The following PDLIM3 variants were observed in gnomAD, a reference collection of about 807,000 sequenced individuals.
PDLIM3 encodes the protein PDZ and LIM domain 3, also known as PDZ and LIM domain protein 3.
A neutral mutation model predicts 37.3 loss-of-function variants in PDLIM3; 36 were observed. The observed-to-expected ratio is 0.97, with a 90% CI of 0.74 to 1.28. PDLIM3 has a LOEUF of 1.28. Ranked by LOEUF, PDLIM3 falls within the 50% of genes most tolerant of loss-of-function variation. PDLIM3 has a pLI of 0.00. For missense variants in PDLIM3, 454 were observed against 485.0 expected (o/e 0.94, Z 0.60); for synonymous variants, 174 against 182.4 (o/e 0.95, Z 0.37).
At chr4:185,507,882 T>C (rs2095700281) in intron 5 of PDLIM3, among the ~76,000 whole-genome samples, 1 of 151,986 alleles carries the variant, frequency 6.6e-6, no homozygotes, top group African/African-American at 2.4e-5. Flanking sequence ...ACCTCCCACC[T>C]CCTTCCTAAT....
rs528384600 is a variant in PDLIM3 at position 185,530,809 on chromosome 4, T to C, written c.93+4533A>G. Among the ~76,000 whole-genome samples, 3 of 152,294 alleles carry C rather than the reference T, an allele frequency of 2.0e-5. No homozygotes were observed. The East Asian group carries it at 5.8e-4, about 29-fold the overall frequency. ...CCTTGTCTATGCTGCACTCTTCACC[T>C]GTAAATCACTTCGAAGTCTTAGTTA... On this transcript the variant is annotated intron_variant, in intron 1 of 7. Coordinates refer to ENST00000284767, the MANE Select transcript of PDLIM3 (RefSeq NM_014476.6).
Position 185,514,156 on chromosome 4 carries a change from G to A in PDLIM3, c.398+114C>T, listed in dbSNP as rs776012870. The A allele has an allele frequency of 1.9e-6, 3 of 1,593,408 alleles. No homozygotes were observed. The highest frequency in any genetic ancestry group is 2.6e-6 in the Non-Finnish European group (3 of 1,168,712). On this transcript the variant is annotated intron_variant, in intron 4 of 7. Coordinates refer to ENST00000284767, the MANE Select transcript of PDLIM3 (RefSeq NM_014476.6). This position sits in a 1 kb window ranked among gnomAD's most constrained non-coding sequence, Gnocchi z 4.0. ...TTGTTTCTTTTTGCTTTTGAAATAA[G>A]CTTCGCAATGAGAAAAGCCACTCCA...
chr4:185,535,226 G>A (rs1227953585), intron 1 of PDLIM3, 116 bp downstream of exon 1: 1 of 914,636 alleles, frequency 1.1e-6, no homozygotes, highest in South Asian at 1.5e-5. Flanking sequence ...GCAGCGCCCC[G>A]TCCGCCCGCC....
rs2095688809 is a variant in PDLIM3 at position 185,502,491 on chromosome 4, G to A, written c.906-8C>T. 1 of 1,613,772 alleles carries A rather than the reference G, an allele frequency of 6.2e-7. No homozygotes were observed. The highest frequency in any genetic ancestry group is 2.2e-5 in the East Asian group (1 of 44,860). On this transcript the variant is annotated splice_region_variant and splice_polypyrimidine_tract_variant and intron_variant, in intron 7 of 7. Transcript: ENST00000284767. The stretch of plus-strand genomic sequence containing the variant: ...GCCTTCACCACAGCACCGCTGTTGG[G>A]GAAGAAAACGAGCTCAAGTTAAAAA...
intron 3 of PDLIM3, among the ~76,000 whole-genome samples, chr4:185,520,028 C>T (rs1460727519): frequency 6.6e-6 from 1 of 152,186 alleles, no homozygotes; most frequent in African/African-American, 2.4e-5. Context: ...CTTTGTATTA[C>T]TTAGAAAAAC....
intron 1 of PDLIM3, among the ~76,000 whole-genome samples, chr4:185,527,850 G>C (rs2095736940): frequency 6.6e-6 from 1 of 152,136 alleles, no homozygotes; most frequent in African/African-American, 2.4e-5. Flanking sequence ...AGGAGTTTGA[G>C]ACCAGCCTGG....
chr4:185,501,097 C>G lies in PDLIM3; in HGVS notation c.*1197G>C, dbSNP rs946403601. 6.6e-6 allele frequency: 1 copy of G among 152,154 alleles called. No individual in the cohort carries two copies. The highest frequency in any genetic ancestry group is 6.5e-5 in the Admixed American group (1 of 15,276). 9.4% of individuals were successfully genotyped at this position (152,154 alleles called of 1,614,324 possible). On this transcript the variant is annotated 3_prime_UTR_variant, in exon 8 of 8. Coordinates refer to ENST00000284767, the MANE Select transcript of PDLIM3 (RefSeq NM_014476.6). ...AAGTCAGGAGCATTGCCATGGGCACCCTGGGTGAGAGGCAAGGTAACGCCA... is the reference window on the plus strand; with the variant it reads ...AAGTCAGGAGCATTGCCATGGGCACGCTGGGTGAGAGGCAAGGTAACGCCA...
intron 4 of PDLIM3, among the ~76,000 whole-genome samples, chr4:185,510,689 T>C (rs2095705119): frequency 6.6e-6 from 1 of 152,206 alleles, no homozygotes; most frequent in African/African-American, 2.4e-5. Flanking sequence ...ACTTGCACAG[T>C]TCAAACCCGT....
chr4:185,502,446 G>A lies in PDLIM3; in HGVS notation c.943C>T (p.Pro315Ser), dbSNP rs780511861. Residue 315 changes from proline (P) to serine (S), a missense_variant, in exon 8 of 8, where the codon CCT (proline) becomes TCT (serine). Coordinates refer to ENST00000284767, the MANE Select transcript of PDLIM3 (RefSeq NM_014476.6). ...CAGTCGGCACACACGAAGCACTCAGGGTGCCGGTACTTATCCCGCGCCTTC... is the reference window on the plus strand; with the variant it reads ...CAGTCGGCACACACGAAGCACTCAGAGTGCCGGTACTTATCCCGCGCCTTC... ...VVKARDKYRH[P>S]ECFVCADCNL... The A allele has an allele frequency of 2.5e-6, 4 of 1,614,052 alleles. No individual in the cohort carries two copies. The African/African-American group carries it at 4.0e-5, about 16-fold the overall frequency.
intron 1 of PDLIM3, among the ~76,000 whole-genome samples, chr4:185,533,252 A>AG (rs1168056846): frequency 2.6e-5 from 4 of 152,288 alleles, no homozygotes; most frequent in Middle Eastern, 6.8e-3. Context: ...TGGTGTTAAA[A>AG]TGTTAAAAGC....
chr4:185,508,373 C>A lies in PDLIM3; in HGVS notation c.588G>T (p.Leu196Phe), dbSNP rs760087085. The A allele has an allele frequency of 6.2e-7, 1 of 1,614,058 alleles. No homozygotes were observed. Among genetic ancestry groups the A allele is most frequent in the Non-Finnish European group, 8.5e-7 (1 of 1,179,926 alleles). ...VHAQFNTPMQ[L>F]YSDDNIMETL... ...TTTCCATAATATTGTCATCTGAGTA[C>A]AACTGCATAGGTGTATTAAACTGAG... The change falls in exon 5 of 8, where the codon TTG becomes TTT. Residue 196 changes from leucine (L) to phenylalanine (F), a missense_variant. Leu to Phe is a conservative substitution (Grantham distance 22, BLOSUM62 0). Coordinates refer to ENST00000284767, the MANE Select transcript of PDLIM3 (RefSeq NM_014476.6).
At chr4:185,530,149 A>C (rs1400992435) in intron 1 of PDLIM3, among the ~76,000 whole-genome samples, 1 of 152,228 alleles carries the variant, frequency 6.6e-6, no homozygotes, top group African/African-American at 2.4e-5. Flanking sequence ...TGTATGAGTT[A>C]CACATGAACC....
At chr4:185,505,001 C>G (rs1455844038) in intron 6 of PDLIM3, among the ~76,000 whole-genome samples, 1 of 146,056 alleles carries the variant, frequency 6.8e-6, no homozygotes, top group African/African-American at 2.8e-5. Context: ...ACCCATGAAA[C>G]AGTAACTCCC....
rs1423970062 is a variant in PDLIM3 at position 185,524,900 on chromosome 4, AAGTC to A, written c.245+116_245+119del. The A allele has an allele frequency of 1.5e-4, 143 of 938,052 alleles. 1 individual carries two copies. The highest frequency in any genetic ancestry group is 2.4e-4 in the Non-Finnish European group (136 of 576,334). 58.1% of individuals were successfully genotyped at this position (938,052 alleles called of 1,614,324 possible). A position where few individuals can be genotyped will look rare whatever the true frequency, so the allele number is the denominator to read the frequency against. Reference sequence around the variant, plus strand: ...AAGAATTAAGTAGCTAATATATAAAAAGTCAGCCAAAATACTAGGTCTGTGGCCC... The same window carrying A: ...AAGAATTAAGTAGCTAATATATAAAAAGCCAAAATACTAGGTCTGTGGCCC... On this transcript the variant is annotated intron_variant, in intron 2 of 7. Coordinates refer to ENST00000284767, the MANE Select transcript of PDLIM3 (RefSeq NM_014476.6).
chr4:185,509,167 T>C (rs2095702739), intron 4 of PDLIM3, among the ~76,000 whole-genome samples: 1 of 152,234 alleles, frequency 6.6e-6, no homozygotes, highest in African/African-American at 2.4e-5. Context: ...TTTAAGGCTA[T>C]CTTGTAAATA....
In PDLIM3 at chr4:185,502,122, G is replaced by T. The variant is rs2095687976; in HGVS notation, c.*172C>A. 10 of 703,258 alleles carry T rather than the reference G, an allele frequency of 1.4e-5. No individual in the cohort carries two copies. In the South Asian group the frequency reaches 1.5e-4, roughly 10 times the overall value. 43.6% of individuals were successfully genotyped at this position (703,258 alleles called of 1,614,324 possible). A position where few individuals can be genotyped will look rare whatever the true frequency, so the allele number is the denominator to read the frequency against. On this transcript the variant is annotated 3_prime_UTR_variant, in exon 8 of 8. Coordinates refer to ENST00000284767, the MANE Select transcript of PDLIM3 (RefSeq NM_014476.6). The stretch of plus-strand genomic sequence containing the variant: ...AAGTGTATGTTTTTTTCACATAGCA[G>T]GCATTTGCCTCCCATTCCTTTTCCT...
chr4:185,519,570 A>C (rs545686844), intron 3 of PDLIM3, among the ~76,000 whole-genome samples: 2 of 152,272 alleles, frequency 1.3e-5, no homozygotes, highest in Non-Finnish European at 2.9e-5. Context: ...TACAGGCGTG[A>C]GCCACCATGC....
chr4:185,507,357 AAT>A (rs1435181839), intron 5 of PDLIM3, among the ~76,000 whole-genome samples: 1 of 152,214 alleles, frequency 6.6e-6, no homozygotes, highest in Non-Finnish European at 1.5e-5. Flanking sequence ...ATATATTCAT[AAT>A]AGACAATAAA....
At chr4:185,513,878 C>T (rs1421245007) in intron 4 of PDLIM3, 22 of 1,161,990 alleles carry the variant, frequency 1.9e-5, no homozygotes, top group African/African-American at 4.8e-5. Context: ...CTGGCTTGTT[C>T]ACCTGATTCC....
Sources: gnomAD v4.1 joint callset for allele counts (sites outside exome capture counted in the v4.1 genomes callset) on GRCh38, gnomAD v4.1.1 for gene constraint, Gnocchi (gnomAD v3.1) non-coding constraint, MANE v1.5 for transcripts, NCBI Gene and HGNC (gene_info 2026-07-23, HGNC 2026-07-21) for gene names.